LYST: variants seen among roughly 807,000 people sequenced by gnomAD.
The protein encoded by LYST is lysosomal trafficking regulator.
LYST carries 192 observed loss-of-function variants against 413.6 expected under a neutral mutation model. That is an observed-to-expected ratio of 0.46 (90% CI 0.41 to 0.52). LYST has a LOEUF of 0.52. Among genes scored for constraint, LYST ranks in the 20% least tolerant of loss-of-function variants. The pLI is 0.00. For synonymous variants in LYST, 1,525 were observed against 1,567.3 expected (o/e 0.97, Z 0.64); for missense variants, 3,815 against 4,499.9 (o/e 0.85, Z 4.35).
intron 42 of LYST, chr1:235,713,085 G>C: frequency 1.0e-6 from 1 of 985,330 alleles, no homozygotes; most frequent in Non-Finnish European, 1.2e-6. Flanking sequence ...CCCAGCCTTA[G>C]TTGCTCTGCT....
chr1:235,864,059 G>A (rs1460348752), intron 1 of LYST, among the ~76,000 whole-genome samples: 3 of 152,012 alleles, frequency 2.0e-5, no homozygotes, highest in East Asian at 3.9e-4. Flanking sequence ...CCGTTAGGTC[G>A]GCTTAGCCAG....
intron 20 of LYST, among the ~76,000 whole-genome samples, chr1:235,767,878 T>C (rs1366934727): frequency 6.6e-6 from 1 of 152,126 alleles, no homozygotes; most frequent in Non-Finnish European, 1.5e-5. Context: ...ACTTTCTATA[T>C]CATTTGGTTC....
chr1:235,780,894 T>C lies in LYST; in HGVS notation c.5185A>G (p.Lys1729Glu). 6.4e-7 allele frequency: 1 copy of C among 1,551,178 alleles called. No homozygotes were observed. The highest frequency in any genetic ancestry group is 8.8e-7 in the Non-Finnish European group (1 of 1,138,026). ...CEQIRELFMTKKDVDIGLLIE... is the reference protein window; with the variant it reads ...CEQIRELFMTEKDVDIGLLIE... ...AAGAGACCAATATCCACATCTTTCT[T>C]GGTCATAAAAAGTTCTCTGATTTGT... The change falls in exon 16 of 53, where the codon AAG becomes GAG. Residue 1729 changes from lysine to glutamate, a missense_variant. Around this residue, in one of 4 missense-constraint regions of LYST, gnomAD observed 530 missense variants for 696.5 expected, o/e 0.76. Coordinates refer to ENST00000389793, the MANE Select transcript of LYST (RefSeq NM_000081.4).
chr1:235,764,874 T>C (rs1468018442), intron 21 of LYST, among the ~76,000 whole-genome samples: 1 of 152,188 alleles, frequency 6.6e-6, no homozygotes, highest in Admixed American at 6.5e-5. Flanking sequence ...CTCAGCTTTC[T>C]TGTAGGTACA....
At chr1:235,834,244 G>C (rs1423555013) in intron 1 of LYST, among the ~76,000 whole-genome samples, 1 of 151,892 alleles carries the variant, frequency 6.6e-6, no homozygotes. Flanking sequence ...TCTATTTCTG[G>C]GATAGCAACA....
At chr1:235,725,908 A>G (rs1663825066) in intron 38 of LYST, among the ~76,000 whole-genome samples, 1 of 152,204 alleles carries the variant, frequency 6.6e-6, no homozygotes, top group Non-Finnish European at 1.5e-5. Flanking sequence ...CAGGGCCTAC[A>G]CATCCTACCA....
intron 38 of LYST, among the ~76,000 whole-genome samples, chr1:235,726,797 T>G (rs1232043215): frequency 6.6e-6 from 1 of 151,406 alleles, no homozygotes; most frequent in Non-Finnish European, 1.5e-5. Flanking sequence ...ATTCGACAGA[T>G]GGACTCAGAC....
At chr1:235,721,318 T>C (rs1213986142) in intron 39 of LYST, among the ~76,000 whole-genome samples, 1 of 152,208 alleles carries the variant, frequency 6.6e-6, no homozygotes, top group East Asian at 1.9e-4. Flanking sequence ...TGTGCTACAG[T>C]TACCATGTCT....
Position 235,781,049 on chromosome 1 carries a change from T to C in LYST, c.5030A>G (p.Lys1677Arg). ...LGNLLLFNGAKVGSQEAFYLY... is the reference protein window; with the variant it reads ...LGNLLLFNGARVGSQEAFYLY... ...ATAAAAGGCCTCTTGTGAACCAACC[T>C]TAGCTCCTGAATAGCAGAAAAATAA... Residue 1677 changes from lysine (K) to arginine (R), a missense_variant, in exon 16 of 53, where the codon AAG (lysine) becomes AGG (arginine). By Grantham distance (26) the Lys-to-Arg change is conservative. This residue lies in a region of LYST where 530 missense variants were observed against 696.5 expected (regional missense o/e 0.76). Coordinates refer to ENST00000389793, the MANE Select transcript of LYST (RefSeq NM_000081.4). 4 of 1,605,840 alleles carry C rather than the reference T, an allele frequency of 2.5e-6. No homozygotes were observed. Among genetic ancestry groups the C allele is most frequent in the Non-Finnish European group, 3.4e-6 (4 of 1,173,280 alleles).
intron 47 of LYST, among the ~76,000 whole-genome samples, chr1:235,687,872 C>T (rs760009092): frequency 4.6e-5 from 7 of 152,190 alleles, no homozygotes; most frequent in Admixed American, 6.5e-5. Flanking sequence ...CAGGCTTCCT[C>T]AGAAACCTTG....
chr1:235,758,890 T>C (rs1667296819), intron 23 of LYST, 82 bp downstream of exon 23: 3 of 1,254,020 alleles, frequency 2.4e-6, no homozygotes, highest in Non-Finnish European at 3.5e-6. Context: ...AGTGGCATAA[T>C]GAAGACGTTT....
chr1:235,834,913 T>A (rs1428106752), intron 1 of LYST, among the ~76,000 whole-genome samples: 1 of 151,912 alleles, frequency 6.6e-6, no homozygotes, highest in Non-Finnish European at 1.5e-5. Flanking sequence ...CTAATCAATA[T>A]CATGCAAATT....
At position 235,788,682 on chromosome 1, in the gene LYST, G is replaced by T. The variant is rs541966843; in HGVS notation, c.4688+19C>A. 156 of 1,610,552 alleles carry T rather than the reference G, an allele frequency of 9.7e-5. 2 individuals are homozygous for T. Among genetic ancestry groups the T allele is most frequent in the South Asian group, 8.7e-4 (79 of 90,956 alleles). ...TTAAATACATTATCTATTCATGGGA[G>T]GCTGAGGATAATCAATACCGAAAGA... On this transcript the variant is annotated intron_variant, in intron 13 of 52. Transcript: ENST00000389793.
intron 3 of LYST, among the ~76,000 whole-genome samples, chr1:235,823,319 T>C (rs1217896222): frequency 2.0e-5 from 3 of 152,228 alleles, no homozygotes; most frequent in Non-Finnish European, 4.4e-5. Flanking sequence ...CAATCATGCA[T>C]AGATAGAACT....
At chr1:235,864,580 C>G (rs1223265694) in intron 1 of LYST, among the ~76,000 whole-genome samples, 2 of 152,212 alleles carry the variant, frequency 1.3e-5, no homozygotes, top group Non-Finnish European at 2.9e-5. Flanking sequence ...TCCTGCTCAA[C>G]CCTTCCCCTA....
intron 52 of LYST, among the ~76,000 whole-genome samples, chr1:235,663,466 T>C (rs1003770672): frequency 6.6e-6 from 1 of 152,196 alleles, no homozygotes; most frequent in Non-Finnish European, 1.5e-5. Flanking sequence ...TATGGCTATA[T>C]ATTATTTCCC....
In LYST at chr1:235,809,181, C is replaced by T. The variant is rs751609899; in HGVS notation, c.1637G>A (p.Arg546Gln). ...TADGDVYYPE[R>Q]CCCIAVCAHQ... The stretch of plus-strand genomic sequence containing the variant: ...GGCACACACTGCAATGCAACAGCAC[C>T]GCTCAGGATAATAAACATCTCCATC... The change falls in exon 5 of 53, where the codon CGG becomes CAG. Residue 546 changes from arginine (R) to glutamine (Q), a missense_variant. Transcript: ENST00000389793. This position sits in a 1 kb window ranked among gnomAD's most constrained non-coding sequence, Gnocchi z 4.0. The T allele has an allele frequency of 1.4e-5, 23 of 1,613,964 alleles. No homozygotes were observed. The East Asian group carries it at 2.5e-4, about 17-fold the overall frequency.
rs1021856814 is a variant in LYST at position 235,696,951 on chromosome 1, T to C, written c.10564+132A>G. The C allele has an allele frequency of 3.8e-6, 3 of 791,022 alleles. No homozygotes were observed. The South Asian group carries it at 4.5e-5, about 12-fold the overall frequency. The allele number at this position is 791,022 out of a possible 1,614,324, so 49.0% of individuals were successfully genotyped here. A position where few individuals can be genotyped will look rare whatever the true frequency, so the allele number is the denominator to read the frequency against. ...CATGTAGCATGTTTTCATTCCTACT[T>C]TGCACTAAATAACCACAAATTTGAG... is the stretch of plus-strand genomic sequence containing the variant. On this transcript the variant is annotated intron_variant, in intron 46 of 52. Coordinates refer to ENST00000389793, the MANE Select transcript of LYST (RefSeq NM_000081.4).
intron 44 of LYST, 60 bp downstream of exon 44, chr1:235,709,031 C>A: frequency 3.4e-6 from 5 of 1,478,944 alleles, no homozygotes; most frequent in Non-Finnish European, 4.7e-6. Flanking sequence ...GAACAACTAA[C>A]CTTAAAATAT....
Sources: gnomAD v4.1 joint callset for allele counts (sites outside exome capture counted in the v4.1 genomes callset) on GRCh38, gnomAD v4.1.1 for gene constraint, gnomAD v4.1.1 regional missense constraint, Gnocchi (gnomAD v3.1) non-coding constraint, MANE v1.5 for transcripts, NCBI Gene and HGNC (gene_info 2026-07-23, HGNC 2026-07-21) for gene names.